Variants in HIF3A observed in about 807,000 individuals in gnomAD.
HIF3A encodes the protein hypoxia inducible factor 3 subunit alpha, also known as hypoxia-inducible factor 3-alpha.
HIF3A carries 41 observed loss-of-function variants against 67.2 expected under a neutral mutation model. That is an observed-to-expected ratio of 0.61 (90% confidence interval 0.48 to 0.79). The LOEUF (loss-of-function observed/expected upper bound fraction) is 0.79. Among genes scored for constraint, HIF3A ranks in the 30% least tolerant of loss-of-function variants. The pLI is 0.00. For missense variants in HIF3A, 855 were observed against 898.0 expected (o/e 0.95, Z 0.61); for synonymous variants, 356 against 374.8 (o/e 0.95, Z 0.58).
chr19:46,315,877 G>A (rs143907690), intron 8 of HIF3A, among the ~76,000 whole-genome samples: 2 of 152,124 alleles, frequency 1.3e-5, no homozygotes, highest in Non-Finnish European at 2.9e-5. Flanking sequence ...TCACACCGCT[G>A]CACTCTAGCC....
intron 8 of HIF3A, among the ~76,000 whole-genome samples, chr19:46,319,853 G>A (rs1431199602): frequency 1.3e-5 from 2 of 152,110 alleles, no homozygotes; most frequent in African/African-American, 4.8e-5. Context: ...TGCCCAGGCT[G>A]TGCTAAATGC....
At position 46,312,509 on chromosome 19, in the gene HIF3A, T is replaced by A; in HGVS notation, c.881T>A (p.Leu294Gln). The A allele has an allele frequency of 6.2e-7, 1 of 1,613,898 alleles. No individual in the cohort carries two copies. Among genetic ancestry groups the A allele is most frequent in the Non-Finnish European group, 8.5e-7 (1 of 1,179,960 alleles). ...DAVSKSIHTLLSKGQAVTGQY... is the reference protein window; with the variant it reads ...DAVSKSIHTLQSKGQAVTGQY... ...CCCTCCCGATCCCCCTCCTCAGTGC[T>A]GAGCAAGGGCCAGGCAGTAACAGGG... Residue 294 changes from leucine to glutamine, a missense_variant, in exon 8 of 15, where the codon CTG (leucine) becomes CAG (glutamine). Around this residue, in one of 3 missense-constraint regions of HIF3A, gnomAD observed 638 missense variants for 660.5 expected, o/e 0.97. Coordinates refer to ENST00000377670, the MANE Select transcript of HIF3A (RefSeq NM_152795.4).
chr19:46,298,219 C>CTCCCCCT, intron 1 of HIF3A: 1 of 329,780 alleles, frequency 3.0e-6, no homozygotes, highest in Non-Finnish European at 6.0e-6. Context: ...CCCCCATCCT[C>CTCCCCCT]TCCCCTGTCC....
intron 8 of HIF3A, chr19:46,312,911 T>TTTTTTTTTTTG: frequency 2.9e-6 from 2 of 680,594 alleles, no homozygotes; most frequent in Non-Finnish European, 3.6e-6. Context: ...TTTTTTTTTT[T>TTTTTTTTTTTG]GCGTGAACCT....
chr19:46,321,996 G>A (rs374266442), intron 10 of HIF3A, 30 bp downstream of exon 10: 303 of 1,607,376 alleles, frequency 1.9e-4, no homozygotes, highest in Non-Finnish European at 2.5e-4. Context: ...TGAGCCCTCA[G>A]CATCCAGTGC....
At chr19:46,312,365 TC>T in intron 7 of HIF3A, 98 bp downstream of exon 7, 1 of 1,605,986 alleles carries the variant, frequency 6.2e-7, no homozygotes, top group Non-Finnish European at 8.5e-7. Context: ...ATGCACTGCC[TC>T]CCCACCTCAA....
intron 1 of HIF3A, 42 bp from the exon 2 acceptor site, chr19:46,303,856 C>A: frequency 6.3e-7 from 1 of 1,584,238 alleles, no homozygotes. Context: ...CTCCTTTTCT[C>A]TTTCCCGAGT....
intron 11 of HIF3A, 78 bp downstream of exon 11, chr19:46,325,717 G>A (rs1469871972): frequency 2.1e-6 from 2 of 951,794 alleles, no homozygotes; most frequent in African/African-American, 1.6e-5. Context: ...GAGAAGGGTA[G>A]TGGGATGGTT....
intron 8 of HIF3A, among the ~76,000 whole-genome samples, chr19:46,318,128 GC>G (rs1472717602): frequency 6.6e-6 from 1 of 151,950 alleles, no homozygotes; most frequent in African/African-American, 2.4e-5. Context: ...GAGCCACTGT[GC>G]CTGGCCCTCC....
At chr19:46,316,140 A>G (rs1192417232) in intron 8 of HIF3A, among the ~76,000 whole-genome samples, 1 of 151,940 alleles carries the variant, frequency 6.6e-6, no homozygotes, top group East Asian at 1.9e-4. Context: ...CTGAGGCAGG[A>G]GAATCACTTG....
chr19:46,317,583 T>A (rs560705451), intron 8 of HIF3A, among the ~76,000 whole-genome samples: 1 of 152,198 alleles, frequency 6.6e-6, no homozygotes, highest in Admixed American at 6.6e-5. Flanking sequence ...TCCTGAGTCA[T>A]GCCCGCTCAT....
At chr19:46,331,467 G>T in intron 13 of HIF3A, 194 bp downstream of exon 13, 1 of 202,740 alleles carries the variant, frequency 4.9e-6, no homozygotes. Context: ...AGTGAACTGA[G>T]ATTGCGCCAC....
intron 12 of HIF3A, among the ~76,000 whole-genome samples, chr19:46,329,959 GAAAAAA>G (rs11483629): frequency 8.0e-5 from 8 of 100,156 alleles, no homozygotes; most frequent in African/African-American, 3.2e-4. Context: ...ACCCTGTCAA[GAAAAAA>G]AAAAAAAAAA....
intron 8 of HIF3A, among the ~76,000 whole-genome samples, chr19:46,314,267 C>T (rs1237710441): frequency 6.8e-6 from 1 of 146,454 alleles, no homozygotes; most frequent in Non-Finnish European, 1.5e-5. Context: ...AATCCCAGCA[C>T]TTTGGGAAGC....
Position 46,312,500 on chromosome 19 carries a change from C to T in HIF3A, c.878-6C>T, listed in dbSNP as rs766431258. 1 of 1,613,908 alleles carries T rather than the reference C, an allele frequency of 6.2e-7. No individual in the cohort carries two copies. The highest frequency in any genetic ancestry group is 8.5e-7 in the Non-Finnish European group (1 of 1,179,912). On this transcript the variant is annotated splice_polypyrimidine_tract_variant and splice_region_variant and intron_variant, in intron 7 of 14. Coordinates refer to ENST00000377670, the MANE Select transcript of HIF3A (RefSeq NM_152795.4). ...GGCCCTGATCCCTCCCGATCCCCCT[C>T]CTCAGTGCTGAGCAAGGGCCAGGCA...
chr19:46,299,246 C>A (rs929658512), intron 1 of HIF3A, among the ~76,000 whole-genome samples: 1 of 152,076 alleles, frequency 6.6e-6, no homozygotes, highest in Non-Finnish European at 1.5e-5. Flanking sequence ...AGGGGTGTGA[C>A]GGGGGAAGGG....
At chr19:46,331,367 G>A in intron 13 of HIF3A, 94 bp downstream of exon 13, 1 of 976,806 alleles carries the variant, frequency 1.0e-6, no homozygotes, top group South Asian at 1.4e-5. Context: ...AGGGGCAGGG[G>A]CTGGTTGAGG....
rs944746969 is a variant in HIF3A, at chr19:46,342,432, A to G, written c.*2810A>G. ...AAAAAAAAAATAGAGACGGGGTTTC[A>G]CCATGTTGCCCAGGCTGGTCGCGAA... On this transcript the variant is annotated 3_prime_UTR_variant, in exon 15 of 15. Coordinates refer to ENST00000377670, the MANE Select transcript of HIF3A (RefSeq NM_152795.4). 2 of 149,504 alleles carry G rather than the reference A, an allele frequency of 1.3e-5. No individual in the cohort carries two copies. The highest frequency in any genetic ancestry group is 3.0e-5 in the Non-Finnish European group (2 of 67,572). 9.3% of individuals were successfully genotyped at this position (149,504 alleles called of 1,614,324 possible).
At chr19:46,338,630 T>C (rs1229785630) in intron 14 of HIF3A, 1 of 598,994 alleles carries the variant, frequency 1.7e-6, no homozygotes, top group East Asian at 1.3e-4. Flanking sequence ...ACACCTTCCA[T>C]GGATTTACTC....
Sources: gnomAD v4.1 joint callset for allele counts (sites outside exome capture counted in the v4.1 genomes callset) on GRCh38, gnomAD v4.1.1 for gene constraint, gnomAD v4.1.1 regional missense constraint, MANE v1.5 for transcripts, NCBI Gene and HGNC (gene_info 2026-07-23, HGNC 2026-07-21) for gene names.